Variants in RNLS observed in about 807,000 individuals in gnomAD.
The protein encoded by RNLS is renalase, FAD dependent amine oxidase.
A neutral mutation model predicts 39.8 loss-of-function variants in RNLS; 39 were observed. That is an observed-to-expected ratio of 0.98 (90% CI 0.76 to 1.28). The LOEUF (loss-of-function observed/expected upper bound fraction) is 1.28. RNLS is among the 50% of genes most tolerant of loss of function. The pLI, the probability that RNLS is intolerant of heterozygous loss-of-function variation, is 0.00. For synonymous variants in RNLS, 147 were observed against 150.7 expected (o/e 0.98, Z 0.18); for missense variants, 410 against 413.3 (o/e 0.99, Z 0.07).
intron 4 of RNLS, among the ~76,000 whole-genome samples, chr10:88,526,902 G>A (rs1248513562): frequency 4.6e-5 from 7 of 152,064 alleles, no homozygotes; most frequent in Non-Finnish European, 1.0e-4. Flanking sequence ...GAAATGTTAA[G>A]GAACTGGAGG....
At chr10:88,507,571 G>A (rs764789921) in intron 4 of RNLS, among the ~76,000 whole-genome samples, 12 of 152,160 alleles carry the variant, frequency 7.9e-5, no homozygotes, top group East Asian at 1.9e-4. Flanking sequence ...ATGAGAAGGC[G>A]TTTTTTAGAT....
intron 4 of RNLS, among the ~76,000 whole-genome samples, chr10:88,554,366 G>C (rs1397381125): frequency 1.3e-5 from 2 of 152,038 alleles, no homozygotes; most frequent in Non-Finnish European, 2.9e-5. Context: ...AATATTTAAA[G>C]TATGTAATGT....
chr10:88,277,888 G>A (rs1014328790), intron 6 of RNLS, among the ~76,000 whole-genome samples: 7 of 152,038 alleles, frequency 4.6e-5, no homozygotes, highest in South Asian at 2.1e-4. Flanking sequence ...GTAGTATCCC[G>A]TTTCTAAATT....
chr10:88,391,317 G>A (rs896356885), intron 4 of RNLS, among the ~76,000 whole-genome samples: 5 of 152,174 alleles, frequency 3.3e-5, no homozygotes, highest in African/African-American at 1.2e-4. Context: ...CCAGCACTTT[G>A]GGAGTTCCGA....
intron 4 of RNLS, among the ~76,000 whole-genome samples, chr10:88,510,847 G>A (rs1158823188): frequency 9.0e-5 from 13 of 144,710 alleles, no homozygotes; most frequent in Non-Finnish European, 1.5e-4. Context: ...ATTCTGTTTC[G>A]AGAAAAAAAA....
At chr10:88,463,972 TAAAC>T (rs1843070647) in intron 4 of RNLS, among the ~76,000 whole-genome samples, 1 of 152,020 alleles carries the variant, frequency 6.6e-6, no homozygotes, top group Admixed American at 6.6e-5. Context: ...ACCATCATCT[TAAAC>T]AAACAAACCT....
chr10:88,509,331 C>T (rs2134145013), intron 4 of RNLS, among the ~76,000 whole-genome samples: 1 of 152,052 alleles, frequency 6.6e-6, no homozygotes, highest in South Asian at 2.1e-4. Context: ...AAATGGACTG[C>T]ATGTATCTTG....
At chr10:88,283,064 T>A (rs78307401), downstream of RNLS, among the ~76,000 whole-genome samples, 1 of 152,184 alleles carries the variant, frequency 6.6e-6, no homozygotes, top group Non-Finnish European at 1.5e-5. Flanking sequence ...CTGTTCTACC[T>A]GGTGCTGACT....
intron 6 of RNLS, among the ~76,000 whole-genome samples, chr10:88,293,037 G>T (rs965252189): frequency 2.0e-5 from 3 of 152,064 alleles, no homozygotes; most frequent in African/African-American, 7.2e-5. Flanking sequence ...GACAGAGTGA[G>T]ACTCTGTCTC....
At chr10:88,216,062 A>G in the RNLS span, among the ~76,000 whole-genome samples, 1 of 152,208 alleles carries the variant, frequency 6.6e-6, no homozygotes, top group Non-Finnish European at 1.5e-5. Context: ...GATCAAGGAT[A>G]TTGATTAAAA....
the RNLS span, among the ~76,000 whole-genome samples, chr10:88,222,644 A>G: frequency 2.6e-5 from 4 of 152,192 alleles, no homozygotes; most frequent in Non-Finnish European, 5.9e-5. Context: ...CTGATGAACA[A>G]GTGTTACTAG....
rs534700972 is a variant in RNLS, at chr10:88,412,231, A to C, written c.527-49506T>G. 6.6e-5 allele frequency among the ~76,000 whole-genome samples: 10 copies of C among 152,198 alleles called. No homozygotes were observed. In the South Asian group the frequency reaches 1.9e-3, roughly 28 times the overall value. Reference sequence around the variant, plus strand: ...GGCAGTAGTAGTGCAGATAGAGAAAAGGGGAACCAAAATGGAACTCTTACG... The same window carrying C: ...GGCAGTAGTAGTGCAGATAGAGAAACGGGGAACCAAAATGGAACTCTTACG... On this transcript the variant is annotated intron_variant, in intron 4 of 6. Coordinates refer to ENST00000331772, the MANE Select transcript of RNLS (RefSeq NM_001031709.3).
the RNLS span, among the ~76,000 whole-genome samples, chr10:88,268,734 C>T: frequency 2.0e-5 from 3 of 152,196 alleles, no homozygotes; most frequent in East Asian, 3.8e-4. Context: ...AGACTTGCCC[C>T]ACAGAGTGGC....
chr10:88,534,980 C>T (rs1847656808), intron 4 of RNLS, among the ~76,000 whole-genome samples: 1 of 152,030 alleles, frequency 6.6e-6, no homozygotes, highest in Non-Finnish European at 1.5e-5. Context: ...ATGGCAAATA[C>T]TTTACATAAA....
In RNLS at chr10:88,349,624, G is replaced by C. The variant is rs150752705; in HGVS notation, c.700+12928C>G. Among the ~76,000 whole-genome samples the C allele has an allele frequency of 3.1e-3, 472 of 152,104 alleles. 2 individuals are homozygous for C. Among genetic ancestry groups the C allele is most frequent in the African/African-American group, 9.8e-3 (407 of 41,514 alleles). Reference sequence around the variant, plus strand: ...GGTCCCCATATTTGGTTTTAAAAGTGAGAAATATATGAAATCACAATATTC... The same window carrying C: ...GGTCCCCATATTTGGTTTTAAAAGTCAGAAATATATGAAATCACAATATTC... On this transcript the variant is annotated intron_variant, in intron 5 of 6. Coordinates refer to ENST00000331772, the MANE Select transcript of RNLS (RefSeq NM_001031709.3).
At chr10:88,188,824 C>A in the RNLS span, among the ~76,000 whole-genome samples, 1 of 152,076 alleles carries the variant, frequency 6.6e-6, no homozygotes, top group Non-Finnish European at 1.5e-5. Flanking sequence ...GTTCATTTGA[C>A]CTTTATTTTG....
the RNLS span, among the ~76,000 whole-genome samples, chr10:88,203,396 G>GTATATATATATACACGTATGTGTATATA: frequency 1.3e-4 from 1 of 7,844 alleles, no homozygotes; most frequent in Admixed American, 9.6e-4. Context: ...ACACGTATGT[G>GTATATATATATACACGTATGTGTATATA]TATATATATA....
chr10:88,198,443 T>A, the RNLS span, among the ~76,000 whole-genome samples: 1 of 152,202 alleles, frequency 6.6e-6, no homozygotes, highest in Admixed American at 6.5e-5. Flanking sequence ...AGCAATAAAT[T>A]CTTTATTGTG....
At chr10:88,555,534 G>A (rs1349910469) in intron 4 of RNLS, among the ~76,000 whole-genome samples, 1 of 151,940 alleles carries the variant, frequency 6.6e-6, no homozygotes, top group Non-Finnish European at 1.5e-5. Context: ...CCCCCTTCAC[G>A]CTTCACCATG....
Sources: allele counts gnomAD v4.1 joint callset (sites outside exome capture counted in the v4.1 genomes callset), GRCh38; gene constraint gnomAD v4.1.1; transcripts MANE v1.5; gene names NCBI Gene and HGNC (gene_info 2026-07-23, HGNC 2026-07-21).